Variants in EPHA4 observed in about 807,000 individuals in gnomAD.
EPHA4 encodes EPH receptor A4.
In EPHA4, 19 loss-of-function variants were observed where a neutral mutation model predicts 108.3. The ratio of observed to expected loss-of-function variants is 0.18; its 90% CI spans 0.12 to 0.26. The LOEUF (loss-of-function observed/expected upper bound fraction) is 0.26, where lower values mean the gene tolerates loss of function less well. EPHA4 is among the 10% of genes least tolerant of loss of function. The pLI is 1.00. For synonymous variants in EPHA4, 449 were observed against 455.5 expected (o/e 0.99, Z 0.18); for missense variants, 917 against 1,254.0 (o/e 0.73, Z 4.06).
intron 3 of EPHA4, among the ~76,000 whole-genome samples, chr2:221,511,318 T>C (rs987979140): frequency 1.3e-5 from 2 of 152,176 alleles, no homozygotes; most frequent in Admixed American, 6.6e-5. Context: ...AAATTGACAA[T>C]CTAATTTAGG....
intron 5 of EPHA4, among the ~76,000 whole-genome samples, chr2:221,469,233 AG>A (rs1172916327): frequency 6.6e-6 from 1 of 152,188 alleles, no homozygotes; most frequent in Non-Finnish European, 1.5e-5. Context: ...CCATTTCACA[AG>A]GGCATGAAGA....
At chr2:221,542,880 C>CA (rs1210040345) in intron 3 of EPHA4, among the ~76,000 whole-genome samples, 2 of 151,948 alleles carry the variant, frequency 1.3e-5, no homozygotes, top group Non-Finnish European at 2.9e-5. Flanking sequence ...GCTTTGATGG[C>CA]AAAAAACCTT....
intron 5 of EPHA4, among the ~76,000 whole-genome samples, chr2:221,476,875 ATTTCT>A (rs770026610): frequency 1.3e-4 from 20 of 151,970 alleles, no homozygotes; most frequent in Non-Finnish European, 2.5e-4. Flanking sequence ...ACACTTAGTT[ATTTCT>A]TTTCTTTATT....
intron 8 of EPHA4, among the ~76,000 whole-genome samples, chr2:221,448,488 C>T (rs938572952): frequency 6.6e-6 from 1 of 152,152 alleles, no homozygotes; most frequent in African/African-American, 2.4e-5. Context: ...GGTTTAAATA[C>T]CCTGAAGCCA....
In EPHA4 at chr2:221,433,038, C is replaced by T. The variant is rs1012807683; in HGVS notation, c.2496+1104G>A. Among the ~76,000 whole-genome samples the T allele has an allele frequency of 2.6e-5, 4 of 152,076 alleles. No homozygotes were observed. The South Asian group carries it at 8.3e-4, about 32-fold the overall frequency. ...ACGGGGTTTCACCATGTTGCTCAGG[C>T]TGGTCTCGAACTCCTGACCTTGTGA... On this transcript the variant is annotated intron_variant, in intron 14 of 17. Coordinates refer to ENST00000281821, the MANE Select transcript of EPHA4 (RefSeq NM_004438.5).
At chr2:221,441,585 A>T (rs1248077370) in intron 11 of EPHA4, among the ~76,000 whole-genome samples, 1 of 152,048 alleles carries the variant, frequency 6.6e-6, no homozygotes, top group Admixed American at 6.5e-5. Flanking sequence ...GAGGGTGAAA[A>T]AGGCTGTCAC....
At chr2:221,478,662 C>A (rs1482967219) in intron 5 of EPHA4, among the ~76,000 whole-genome samples, 1 of 152,168 alleles carries the variant, frequency 6.6e-6, no homozygotes, top group Non-Finnish European at 1.5e-5. Flanking sequence ...GGGAGTGACT[C>A]ATCTCATTAG....
intron 3 of EPHA4, among the ~76,000 whole-genome samples, chr2:221,527,686 C>A (rs368318317): frequency 7.9e-5 from 12 of 152,250 alleles, no homozygotes; most frequent in East Asian, 5.8e-4. Flanking sequence ...AAGGATTCAA[C>A]ATAACATTGG....
chr2:221,421,060 A>AG (rs1228768032), intron 17 of EPHA4, among the ~76,000 whole-genome samples: 3 of 152,164 alleles, frequency 2.0e-5, no homozygotes, highest in Non-Finnish European at 4.4e-5. Context: ...GCGTTTTGGG[A>AG]GCCGAGGTGG....
intron 8 of EPHA4, 152 bp downstream of exon 8, chr2:221,455,395 G>T: frequency 1.6e-6 from 1 of 637,574 alleles, no homozygotes. Context: ...TGGTAGGGGT[G>T]TGGGAAGATC....
intron 3 of EPHA4, among the ~76,000 whole-genome samples, chr2:221,512,807 G>A (rs1692867665): frequency 6.6e-6 from 1 of 152,250 alleles, no homozygotes; most frequent in East Asian, 1.9e-4. Flanking sequence ...AACAGTAATG[G>A]CAATAATGAG....
intron 3 of EPHA4, among the ~76,000 whole-genome samples, chr2:221,544,465 A>G (rs576606887): frequency 6.6e-6 from 1 of 152,298 alleles, no homozygotes; most frequent in African/African-American, 2.4e-5. Flanking sequence ...AGCTGGGATT[A>G]CAGGCATGCA....
At chr2:221,457,762 A>T in intron 6 of EPHA4, 104 bp downstream of exon 6, 2 of 1,316,540 alleles carry the variant, frequency 1.5e-6, no homozygotes, top group Non-Finnish European at 2.1e-6. Context: ...AGAAGGAAGA[A>T]AAGAAGAGAG....
At chr2:221,454,411 A>G (rs1216602571) in intron 8 of EPHA4, among the ~76,000 whole-genome samples, 1 of 152,194 alleles carries the variant, frequency 6.6e-6, no homozygotes, top group East Asian at 1.9e-4. Flanking sequence ...AAGCACAGCT[A>G]CTGGTGGGGC....
intron 2 of EPHA4, among the ~76,000 whole-genome samples, chr2:221,565,360 C>G (rs1042064416): frequency 4.6e-5 from 7 of 152,190 alleles, no homozygotes; most frequent in African/African-American, 7.2e-5. Context: ...AGCAGCAAAA[C>G]TTTTGGGACT....
At chr2:221,561,732 A>T (rs1694471746) in intron 3 of EPHA4, among the ~76,000 whole-genome samples, 1 of 152,242 alleles carries the variant, frequency 6.6e-6, no homozygotes, top group Non-Finnish European at 1.5e-5. Flanking sequence ...TTTTGGTTGT[A>T]AAAATGTCAA....
chr2:221,510,956 T>C (rs909790767), intron 3 of EPHA4, among the ~76,000 whole-genome samples: 4 of 152,158 alleles, frequency 2.6e-5, no homozygotes, highest in Admixed American at 2.6e-4. Flanking sequence ...GCTTCATATA[T>C]GTATAAAGGG....
chr2:221,560,137 T>A (rs1423155361), intron 3 of EPHA4, among the ~76,000 whole-genome samples: 1 of 113,620 alleles, frequency 8.8e-6, no homozygotes, highest in Admixed American at 1.2e-4. Context: ...TGCCCAAGGA[T>A]CCTTTGTCAA....
rs74829064 is a variant in EPHA4 at position 221,504,190 on chromosome 2, A to T, written c.824-3018T>A. 3.0e-3 allele frequency among the ~76,000 whole-genome samples: 461 copies of T among 152,330 alleles called. 3 individuals carry two copies. Among genetic ancestry groups the T allele is most frequent in the African/African-American group, 0.011 (448 of 41,574 alleles). ...CCTGCCCTATTTCCACCGAAGTTTC[A>T]CTAGTTAATGAACCATCTGAATGGG... On this transcript the variant is annotated intron_variant, in intron 3 of 17. Transcript: ENST00000281821.
Sources: gnomAD v4.1 joint callset for allele counts (sites outside exome capture counted in the v4.1 genomes callset) on GRCh38, gnomAD v4.1.1 for gene constraint, MANE v1.5 for transcripts, NCBI Gene and HGNC (gene_info 2026-07-23, HGNC 2026-07-21) for gene names.